USH2A: variants seen among roughly 807,000 people sequenced by gnomAD.
USH2A encodes the protein Usher syndrome 2A (autosomal recessive, mild).
A neutral mutation model predicts 538.9 loss-of-function variants in USH2A; 443 were observed. The ratio of observed to expected loss-of-function variants is 0.82; its 90% CI spans 0.76 to 0.89. USH2A has a LOEUF of 0.89. USH2A is among the 40% of genes least tolerant of loss of function. USH2A has a pLI of 0.00. For missense variants in USH2A, 6,633 were observed against 6,324.8 expected (o/e 1.05, Z -1.65); for synonymous variants, 2,413 against 2,273.5 (o/e 1.06, Z -1.75).
In USH2A at chr1:216,084,802, C is replaced by G. The variant is rs1223810066; in HGVS notation, c.5063G>C (p.Trp1688Ser). Reference sequence around the variant, plus strand: ...AGAACTCTGCCAATCCAGAGGTTCCCAAATAGCTGACGGATTGTAATTCTT... The same window carrying G: ...AGAACTCTGCCAATCCAGAGGTTCCGAAATAGCTGACGGATTGTAATTCTT... ...FMKNYNPSAI[W>S]EPLDWQSSEE... The change falls in exon 25 of 72, where the codon TGG becomes TCG. Residue 1688 changes from tryptophan (W) to serine (S), a missense_variant. By Grantham distance (177) the Trp-to-Ser change is radical (BLOSUM62 -3). Transcript: ENST00000307340. 1 of 1,613,556 alleles carries G rather than the reference C, an allele frequency of 6.2e-7. No individual in the cohort carries two copies. The highest frequency in any genetic ancestry group is 8.5e-7 in the Non-Finnish European group (1 of 1,179,686).
intron 32 of USH2A, among the ~76,000 whole-genome samples, chr1:216,028,820 A>G (rs977721402): frequency 1.2e-4 from 18 of 152,128 alleles, no homozygotes; most frequent in African/African-American, 3.9e-4. Flanking sequence ...AAAATGTTAC[A>G]TAAAAGAATG....
intron 61 of USH2A, among the ~76,000 whole-genome samples, chr1:215,681,468 G>A (rs1658228957): frequency 6.6e-6 from 1 of 152,124 alleles, no homozygotes; most frequent in Admixed American, 6.5e-5. Context: ...TTTATTAGAT[G>A]TTTGAATGTG....
chr1:216,236,070 A>G (rs543705612), intron 13 of USH2A, among the ~76,000 whole-genome samples: 116 of 152,296 alleles, frequency 7.6e-4, no homozygotes, highest in African/African-American at 2.7e-3. Context: ...AAATCACGCT[A>G]AAATTACTTC....
At chr1:216,350,399 T>C (rs2038259373) in intron 4 of USH2A, among the ~76,000 whole-genome samples, 1 of 152,106 alleles carries the variant, frequency 6.6e-6, no homozygotes, top group Non-Finnish European at 1.5e-5. Flanking sequence ...CAAAGTCTCA[T>C]CTGAGACAAG....
intron 4 of USH2A, among the ~76,000 whole-genome samples, chr1:216,344,970 G>A (rs1289841777): frequency 1.3e-5 from 2 of 151,530 alleles, no homozygotes; most frequent in Admixed American, 6.6e-5. Context: ...GCATGCATGT[G>A]AATGTGGGAC....
chr1:215,809,705 A>T (rs112393304), intron 49 of USH2A, among the ~76,000 whole-genome samples: 3,151 of 152,222 alleles, frequency 0.021, 103 homozygotes, highest in African/African-American at 0.072. Flanking sequence ...CATATTTATT[A>T]AAAAAGGGAG....
At chr1:215,724,976 T>C (rs919849788) in intron 61 of USH2A, among the ~76,000 whole-genome samples, 4 of 152,278 alleles carry the variant, frequency 2.6e-5, no homozygotes, top group Admixed American at 1.3e-4. Flanking sequence ...TTGTCTGAGA[T>C]AAAAGAAACA....
chr1:215,982,095 C>A (rs10864217), intron 35 of USH2A, among the ~76,000 whole-genome samples: 1 of 152,000 alleles, frequency 6.6e-6, no homozygotes, highest in East Asian at 1.9e-4. Context: ...AGCCAATTGT[C>A]TTCTTTTTCA....
chr1:215,632,709 CAG>C (rs1482232193), intron 70 of USH2A, among the ~76,000 whole-genome samples: 1 of 152,220 alleles, frequency 6.6e-6, no homozygotes, highest in Non-Finnish European at 1.5e-5. Flanking sequence ...CCAGGCTAAA[CAG>C]ATCTCTCCTG....
rs113837258 is a variant in USH2A, at chr1:215,948,354, C to A, written c.7121-13559G>T. 2.3e-3 allele frequency among the ~76,000 whole-genome samples: 345 copies of A among 150,516 alleles called. 1 individual carries two copies. Among genetic ancestry groups the A allele is most frequent in the African/African-American group, 7.6e-3 (314 of 41,056 alleles). Reference sequence around the variant, plus strand: ...CCATAAAGAGAAAAGCTGAAATTACCTAAAATGTGAAGATAATCATTGTTA... The same window carrying A: ...CCATAAAGAGAAAAGCTGAAATTACATAAAATGTGAAGATAATCATTGTTA... On this transcript the variant is annotated intron_variant, in intron 37 of 71. Transcript: ENST00000307340.
chr1:216,226,576 G>T (rs2035566330), intron 14 of USH2A, among the ~76,000 whole-genome samples: 1 of 152,114 alleles, frequency 6.6e-6, no homozygotes, highest in South Asian at 2.1e-4. Flanking sequence ...ACATAAAACT[G>T]ACTTATCACT....
At chr1:215,881,163 C>G (rs915290191) in intron 41 of USH2A, among the ~76,000 whole-genome samples, 1 of 152,054 alleles carries the variant, frequency 6.6e-6, no homozygotes, top group African/African-American at 2.4e-5. Context: ...TTTTTTAAGA[C>G]AGCGTCTCAC....
intron 30 of USH2A, among the ~76,000 whole-genome samples, chr1:216,061,530 TAG>T (rs1053959125): frequency 2.0e-5 from 3 of 152,192 alleles, no homozygotes; most frequent in Admixed American, 6.5e-5. Context: ...CTCCTTTAAA[TAG>T]AGTTTCCCTG....
intron 44 of USH2A, among the ~76,000 whole-genome samples, chr1:215,848,975 AT>A (rs1663941424): frequency 6.6e-6 from 1 of 152,330 alleles, no homozygotes; most frequent in East Asian, 1.9e-4. Flanking sequence ...CCAGCACAAA[AT>A]TAAAGGCTGA....
At chr1:215,782,385 AATGATAAGAGTC>A (rs1661668644) in intron 53 of USH2A, among the ~76,000 whole-genome samples, 189 bp from the exon 54 acceptor site, 1 of 129,896 alleles carries the variant, frequency 7.7e-6, no homozygotes, top group African/African-American at 3.1e-5. Context: ...TCTTGACATA[AATGATAAGAGTC>A]ATTTATGTTT....
chr1:216,146,217 C>T (rs2033700422), intron 21 of USH2A, among the ~76,000 whole-genome samples: 1 of 152,100 alleles, frequency 6.6e-6, no homozygotes, highest in East Asian at 1.9e-4. Context: ...GCCTTTTTTA[C>T]TCTCTTCTCC....
intron 66 of USH2A, 47 bp downstream of exon 66, chr1:215,648,481 G>T: frequency 6.3e-7 from 1 of 1,588,480 alleles, no homozygotes; most frequent in Non-Finnish European, 8.6e-7. Context: ...TCATATGTCT[G>T]TACACATGCC....
At chr1:215,850,588 T>A (rs1663990703) in intron 44 of USH2A, among the ~76,000 whole-genome samples, 1 of 152,028 alleles carries the variant, frequency 6.6e-6, no homozygotes, top group Admixed American at 6.6e-5. Flanking sequence ...GGCAACATAA[T>A]AATAGCAGGG....
chr1:215,892,096 CTTAT>C (rs1665224466), intron 40 of USH2A, among the ~76,000 whole-genome samples: 1 of 152,086 alleles, frequency 6.6e-6, no homozygotes, highest in African/African-American at 2.4e-5. Flanking sequence ...GAGGAATCTG[CTTAT>C]TTAGTTTTAT....
Sources: gnomAD v4.1 joint callset for allele counts (sites outside exome capture counted in the v4.1 genomes callset) on GRCh38, gnomAD v4.1.1 for gene constraint, MANE v1.5 for transcripts, NCBI Gene and HGNC (gene_info 2026-07-23, HGNC 2026-07-21) for gene names.